Variants in CYP19A1 observed in about 807,000 individuals in gnomAD.
CYP19A1 encodes the protein cytochrome P450 family 19 subfamily A member 1.
Under a neutral mutation model 44.4 loss-of-function variants are expected in CYP19A1, and 32 were observed. The ratio of observed to expected loss-of-function variants is 0.72; its 90% CI spans 0.54 to 0.97. The LOEUF (loss-of-function observed/expected upper bound fraction) is 0.97, where lower values mean the gene tolerates loss of function less well. CYP19A1 is among the 50% of genes least tolerant of loss of function. The pLI, the probability that CYP19A1 is intolerant of heterozygous loss-of-function variation, is 0.00. For missense variants in CYP19A1, 598 were observed against 637.8 expected, an observed-to-expected ratio of 0.94 and a Z score of 0.67; for synonymous variants, 212 against 215.6, an observed-to-expected ratio of 0.98 and a Z score of 0.14.
intron 1 of CYP19A1, among the ~76,000 whole-genome samples, chr15:51,330,724 A>G (rs1303872808): frequency 2.0e-5 from 3 of 152,204 alleles, no homozygotes; most frequent in Non-Finnish European, 4.4e-5. Context: ...GAGGCTGAGA[A>G]GGAACAGTCG....
At chr15:51,304,890 C>CATTTTTTTTTTTTTTTTTTTTTTTTTT (rs1555398466) in intron 1 of CYP19A1, among the ~76,000 whole-genome samples, 2 of 104,572 alleles carry the variant, frequency 1.9e-5, no homozygotes. Context: ...GTGTCTCTTC[C>CATTTTTTTTTTTTTTTTTTTTTTTTTT]TTTTTTTTTT....
chr15:51,258,313 C>A (rs2034588756), intron 1 of CYP19A1, among the ~76,000 whole-genome samples: 1 of 152,190 alleles, frequency 6.6e-6, no homozygotes, highest in Admixed American at 6.5e-5. Context: ...TAGCCCACAG[C>A]ACTTGTTGTT....
At chr15:51,293,336 A>G (rs986960664) in intron 1 of CYP19A1, among the ~76,000 whole-genome samples, 3 of 152,216 alleles carry the variant, frequency 2.0e-5, no homozygotes, top group Non-Finnish European at 4.4e-5. Flanking sequence ...TTGTAAACAA[A>G]ATATTAGCAA....
At chr15:51,328,173 A>G (rs1189251819) in intron 1 of CYP19A1, among the ~76,000 whole-genome samples, 2 of 152,250 alleles carry the variant, frequency 1.3e-5, no homozygotes, top group East Asian at 1.9e-4. Context: ...TCCTGAACAA[A>G]TATGTACCAT....
chr15:51,333,020 T>C (rs2036725134), intron 1 of CYP19A1, among the ~76,000 whole-genome samples: 3 of 152,196 alleles, frequency 2.0e-5, no homozygotes, highest in Non-Finnish European at 2.9e-5. Flanking sequence ...TCCTATTAAC[T>C]ACTACTTTTC....
chr15:51,252,323 G>C (rs1343953588), intron 1 of CYP19A1, among the ~76,000 whole-genome samples: 1 of 152,110 alleles, frequency 6.6e-6, no homozygotes, highest in South Asian at 2.1e-4. Flanking sequence ...CCAATCCAAA[G>C]ACCTCAAATG....
intron 1 of CYP19A1, among the ~76,000 whole-genome samples, chr15:51,318,039 AG>A (rs1365638103): frequency 6.6e-6 from 1 of 152,124 alleles, no homozygotes; most frequent in East Asian, 1.9e-4. Context: ...CTAGAAGTGT[AG>A]GATCTGGACC....
rs374079882 is a variant in CYP19A1 at position 51,210,832 on chromosome 15, G to C, written c.1488C>G (p.Asn496Lys). ...TCTAGTGTTCCAGACACCTGTCTGA[G>C]TTTCTTGGGGTAAAGATCATTTCCA... ...NMLEMIFTPR[N>K]SDRCLEH Residue 496 changes from asparagine to lysine, a missense_variant, in exon 10 of 10, where the codon AAC becomes AAG. Asn to Lys is a moderately conservative substitution (Grantham distance 94). Coordinates refer to ENST00000396402, the MANE Select transcript of CYP19A1 (RefSeq NM_000103.4). 6.3e-7 allele frequency: 1 copy of C among 1,596,486 alleles called. No individual in the cohort carries two copies. Among genetic ancestry groups the C allele is most frequent in the Admixed American group, 1.7e-5 (1 of 59,998 alleles).
chr15:51,244,072 T>A (rs1353922861), intron 1 of CYP19A1, among the ~76,000 whole-genome samples: 3 of 152,238 alleles, frequency 2.0e-5, no homozygotes, highest in Non-Finnish European at 4.4e-5. Context: ...AGACTTGTGC[T>A]GGGTTTCACC....
At chr15:51,312,098 T>A (rs2036322242) in intron 1 of CYP19A1, 1 of 151,922 alleles carries the variant, frequency 6.6e-6, no homozygotes, top group Admixed American at 6.6e-5. Flanking sequence ...AAAAATGGAG[T>A]TCATAGCAAC....
chr15:51,325,020 C>T (rs2036585100), intron 1 of CYP19A1, among the ~76,000 whole-genome samples: 2 of 152,002 alleles, frequency 1.3e-5, no homozygotes, highest in South Asian at 4.1e-4. Flanking sequence ...ATACCAGTTA[C>T]AAGAAAAACA....
At chr15:51,232,396 G>T (rs1057008415) in intron 3 of CYP19A1, among the ~76,000 whole-genome samples, 9 of 151,966 alleles carry the variant, frequency 5.9e-5, no homozygotes, top group Admixed American at 1.3e-4. Flanking sequence ...ACACTTTCCT[G>T]GTTTTCTCTT....
At chr15:51,240,440 C>T (rs938020031) in intron 2 of CYP19A1, among the ~76,000 whole-genome samples, 1 of 152,144 alleles carries the variant, frequency 6.6e-6, no homozygotes, top group Admixed American at 6.5e-5. Flanking sequence ...CACTTAAGGG[C>T]TTTAAATCAT....
intron 1 of CYP19A1, among the ~76,000 whole-genome samples, chr15:51,330,471 TA>T (rs1483339003): frequency 2.0e-5 from 3 of 152,124 alleles, no homozygotes; most frequent in Admixed American, 6.5e-5. Flanking sequence ...AATAAAGTGA[TA>T]AAAAATAAAA....
rs115303716 is a variant in CYP19A1, at chr15:51,330,473, A to G, written c.-39+8022T>C. On this transcript the variant is annotated intron_variant, in intron 1 of 9. Transcript: ENST00000396402. ...TCTTGCTATCATTAATAAAGTGATA[A>G]AAAATAAAATGATATGGTACCTTCT... Among the ~76,000 whole-genome samples the G allele has an allele frequency of 6.5e-3, 985 of 152,304 alleles. 12 individuals carry two copies. Among genetic ancestry groups the G allele is most frequent in the African/African-American group, 0.023 (950 of 41,552 alleles).
At chr15:51,250,234 A>G (rs1350670622) in intron 1 of CYP19A1, among the ~76,000 whole-genome samples, 3 of 152,252 alleles carry the variant, frequency 2.0e-5, no homozygotes, top group African/African-American at 7.2e-5. Context: ...ATGTGTGTGA[A>G]GACCCAAGGC....
Position 51,316,816 on chromosome 15 carries a change from A to G in CYP19A1, c.-39+21679T>C, listed in dbSNP as rs189003163. On this transcript the variant is annotated intron_variant, in intron 1 of 9. Transcript: ENST00000396402. ...GCCTCTCTTGCAGCTGGATATGACC[A>G]TGTGACTAAGTTCTAGCCAAAAAGC... Among the ~76,000 whole-genome samples, 56 of 152,328 alleles carry G rather than the reference A, an allele frequency of 3.7e-4. 1 individual carries two copies. Among genetic ancestry groups the G allele is most frequent in the Non-Finnish European group, 7.6e-4 (52 of 68,028 alleles).
intron 3 of CYP19A1, among the ~76,000 whole-genome samples, chr15:51,230,205 T>C (rs955267371): frequency 6.6e-6 from 1 of 152,218 alleles, no homozygotes; most frequent in Non-Finnish European, 1.5e-5. Flanking sequence ...AGGTCAGTGA[T>C]GAACTAAGGA....
In CYP19A1 at chr15:51,227,765, A is replaced by T. The variant is rs1185389644; in HGVS notation, c.451+14T>A. The T allele has an allele frequency of 2.3e-6, 3 of 1,279,412 alleles. No individual in the cohort carries two copies. In the Admixed American group the frequency reaches 5.0e-5, roughly 21 times the overall value. The allele number at this position is 1,279,412 out of a possible 1,614,324, so 79.3% of individuals were successfully genotyped here. A position where few individuals can be genotyped will look rare whatever the true frequency, so the allele number is the denominator to read the frequency against. On this transcript the variant is annotated intron_variant, in intron 4 of 9. Transcript: ENST00000396402. ...TAGACAAAAAAGATTGTAGCTAACTAAGTACCTGCTTACCTTTCATAAAGA... is the reference window on the plus strand; with the variant it reads ...TAGACAAAAAAGATTGTAGCTAACTTAGTACCTGCTTACCTTTCATAAAGA...
Sources: allele counts gnomAD v4.1 joint callset (sites outside exome capture counted in the v4.1 genomes callset), GRCh38; gene constraint gnomAD v4.1.1; transcripts MANE v1.5; gene names NCBI Gene and HGNC (gene_info 2026-07-23, HGNC 2026-07-21).